The following MINK1 variants were observed in gnomAD, a reference collection of about 807,000 sequenced individuals.
MINK1 encodes the protein misshapen like kinase 1, also known as misshapen-like kinase 1.
Under a neutral mutation model 178.4 loss-of-function variants are expected in MINK1, and 46 were observed. The observed-to-expected ratio is 0.26, with a 90% CI of 0.20 to 0.33. The LOEUF (loss-of-function observed/expected upper bound fraction) is 0.33. Ranked by LOEUF, MINK1 falls within the 10% of genes least tolerant of loss-of-function variation. MINK1 has a pLI of 1.00. For missense variants in MINK1, 1,366 were observed against 1,814.9 expected, an observed-to-expected ratio of 0.75 and a Z score of 4.49; for synonymous variants, 797 against 709.7, an observed-to-expected ratio of 1.12 and a Z score of -1.96.
chr17:4,859,001 G>A (rs1373757045), intron 1 of MINK1: 6 of 424,538 alleles, frequency 1.4e-5, no homozygotes, highest in East Asian at 1.6e-4. Flanking sequence ...AGGCACCCGG[G>A]GCAGCCCCAC....
intron 1 of MINK1, chr17:4,870,970 C>A: frequency 4.7e-6 from 1 of 212,214 alleles, no homozygotes; most frequent in Middle Eastern, 4.8e-4. Flanking sequence ...GCAGTCATTG[C>A]CCATCTTCTC....
At chr17:4,880,499 C>T (rs1353586472) in intron 2 of MINK1, among the ~76,000 whole-genome samples, 5 of 150,034 alleles carry the variant, frequency 3.3e-5, no homozygotes, top group Admixed American at 1.3e-4. Context: ...GTTGGCCAGG[C>T]TGGTCTCGAA....
At chr17:4,889,833 GT>G in intron 13 of MINK1, 70 bp downstream of exon 13, 1 of 993,132 alleles carries the variant, frequency 1.0e-6, no homozygotes, top group African/African-American at 2.6e-5. Context: ...CCTGCTCCCC[GT>G]GCCCTTCCCC....
intron 1 of MINK1, among the ~76,000 whole-genome samples, chr17:4,839,474 A>G (rs778552628): frequency 2.0e-5 from 3 of 152,224 alleles, no homozygotes; most frequent in Non-Finnish European, 2.9e-5. Flanking sequence ...GATCAGGTTA[A>G]TAAGTCAACT....
chr17:4,859,501 G>A (rs1048958961), intron 1 of MINK1, among the ~76,000 whole-genome samples: 6 of 152,112 alleles, frequency 3.9e-5, no homozygotes, highest in African/African-American at 1.2e-4. Flanking sequence ...AGCATTATTT[G>A]ACAGGCACTT....
chr17:4,889,247 G>C (rs1968527879), intron 12 of MINK1, among the ~76,000 whole-genome samples: 1 of 152,188 alleles, frequency 6.6e-6, no homozygotes, highest in Non-Finnish European at 1.5e-5. Context: ...CGGGCACCTG[G>C]TGCCCTCTTG....
In MINK1 at chr17:4,897,427, C is replaced by A. The variant is rs1969666692; in HGVS notation, c.*140C>A. 3 of 696,924 alleles carry A rather than the reference C, an allele frequency of 4.3e-6. No homozygotes were observed. The highest frequency in any genetic ancestry group is 5.3e-5 in the Admixed American group (2 of 37,648). The allele number at this position is 696,924 out of a possible 1,614,324, so 43.2% of individuals were successfully genotyped here. On this transcript the variant is annotated 3_prime_UTR_variant, in exon 32 of 32. Transcript: ENST00000355280. ...CACTGGAGCCTGCTGGGAACGTGAC[C>A]TCTGACCCCTGATGCTTTCGTGATC...
chr17:4,834,394 A>G (rs1268428689), intron 1 of MINK1, among the ~76,000 whole-genome samples: 1 of 152,070 alleles, frequency 6.6e-6, no homozygotes, highest in Non-Finnish European at 1.5e-5. Flanking sequence ...ACACACACAC[A>G]CACGCGCACA....
chr17:4,834,309 C>T (rs578116885), intron 1 of MINK1, among the ~76,000 whole-genome samples: 1 of 152,222 alleles, frequency 6.6e-6, no homozygotes, highest in Admixed American at 6.5e-5. Flanking sequence ...CAGCGTGGGG[C>T]TGGGAGCCCT....
chr17:4,839,772 G>A (rs971209641), intron 1 of MINK1, among the ~76,000 whole-genome samples: 10 of 152,176 alleles, frequency 6.6e-5, no homozygotes, highest in African/African-American at 2.4e-4. Context: ...ACCCAAGAGA[G>A]CCCCTGGAGA....
At chr17:4,870,213 A>ATTTTT (rs758815938) in intron 1 of MINK1, among the ~76,000 whole-genome samples, 2 of 123,612 alleles carry the variant, frequency 1.6e-5, no homozygotes, top group South Asian at 5.1e-4. Context: ...CGCCCGGCCA[A>ATTTTT]TTTTTTTTTT....
At chr17:4,859,366 C>A in intron 1 of MINK1, 1 of 896,858 alleles carries the variant, frequency 1.1e-6, no homozygotes, top group Non-Finnish European at 1.3e-6. Flanking sequence ...GCTTCCCCTG[C>A]AGTTTCCTCA....
intron 12 of MINK1, among the ~76,000 whole-genome samples, chr17:4,888,030 A>G (rs944033834): frequency 2.0e-5 from 3 of 152,244 alleles, no homozygotes; most frequent in African/African-American, 7.2e-5. Flanking sequence ...AGCCTGGCCA[A>G]CATGGTGAAA....
chr17:4,893,928 C>T (rs368283590), intron 21 of MINK1, 60 bp from the exon 22 acceptor site: 10 of 1,395,780 alleles, frequency 7.2e-6, no homozygotes, highest in Middle Eastern at 1.8e-4. Context: ...CATCTGCTGC[C>T]TTTGGCACTT....
chr17:4,883,820 G>C (rs960383874), intron 4 of MINK1, among the ~76,000 whole-genome samples: 14 of 151,490 alleles, frequency 9.2e-5, no homozygotes, highest in African/African-American at 3.2e-4. Context: ...TTACAGGAGT[G>C]AGCCTCCGCG....
chr17:4,896,115 C>G lies in MINK1; in HGVS notation c.3465+12C>G. 6.2e-7 allele frequency: 1 copy of G among 1,606,278 alleles called. No individual in the cohort carries two copies. The highest frequency in any genetic ancestry group is 2.2e-5 in the East Asian group (1 of 44,516). On this transcript the variant is annotated intron_variant, in intron 28 of 31. Coordinates refer to ENST00000355280, the MANE Select transcript of MINK1 (RefSeq NM_153827.5). This position sits in a 1 kb window ranked among gnomAD's most constrained non-coding sequence, Gnocchi z 4.6. ...TCATGGCCTTCAAGGTAATCCCAGC[C>G]TCGGTCCCTAACACCATCTGGAGTC...
intron 1 of MINK1, among the ~76,000 whole-genome samples, chr17:4,874,317 G>A (rs1410938215): frequency 1.3e-5 from 2 of 152,258 alleles, no homozygotes; most frequent in Admixed American, 6.5e-5. Flanking sequence ...TTAGCCCAGT[G>A]CAAGGCAAAT....
Position 4,896,759 on chromosome 17 carries a change from C to A in MINK1, c.3861C>A (p.Val1287=), listed in dbSNP as rs773190187. The A allele has an allele frequency of 6.3e-6, 10 of 1,598,496 alleles. No individual in the cohort carries two copies. Among genetic ancestry groups the A allele is most frequent in the Non-Finnish European group, 8.5e-6 (10 of 1,171,798 alleles). ...RSVETGHLDG[V]FMHKRAQRLK... ...TGGAGACGGGCCACCTCGACGGGGTCTTCATGCACAAACGAGCTCAGAGGC... is the reference window on the plus strand; with the variant it reads ...TGGAGACGGGCCACCTCGACGGGGTATTCATGCACAAACGAGCTCAGAGGC... Residue 1287 remains valine, a synonymous_variant, in exon 31 of 32, where the codon GTC becomes GTA. Transcript: ENST00000355280. The surrounding 1 kb of genome is among the most constrained non-coding windows in gnomAD (Gnocchi z 4.6).
At chr17:4,892,792 C>T (rs1414403706) in intron 19 of MINK1, 24 bp downstream of exon 19, 1 of 1,576,580 alleles carries the variant, frequency 6.3e-7, no homozygotes, top group Admixed American at 1.8e-5. Flanking sequence ...GGCTGGGCAG[C>T]CTGCTCTGGG....
Sources: allele counts gnomAD v4.1 joint callset (sites outside exome capture counted in the v4.1 genomes callset), GRCh38; gene constraint gnomAD v4.1.1; non-coding constraint Gnocchi (gnomAD v3.1); transcripts MANE v1.5; gene names NCBI Gene and HGNC (gene_info 2026-07-23, HGNC 2026-07-21).